RGS7: variants seen among roughly 807,000 people sequenced by gnomAD.
RGS7 encodes the protein regulator of G-protein signaling 7.
RGS7 carries 27 observed loss-of-function variants against 81.1 expected under a neutral mutation model. The ratio of observed to expected loss-of-function variants is 0.33; its 90% CI spans 0.25 to 0.46. The LOEUF is 0.46. Among genes scored for constraint, RGS7 ranks in the 20% least tolerant of loss-of-function variants. RGS7 has a pLI of 1.00. For missense variants in RGS7, 396 were observed against 607.4 expected, an observed-to-expected ratio of 0.65 and a Z score of 3.66; for synonymous variants, 208 against 207.7, an observed-to-expected ratio of 1.00 and a Z score of -0.01.
intron 6 of RGS7, among the ~76,000 whole-genome samples, chr1:240,914,196 T>C (rs1672223508): frequency 6.6e-6 from 1 of 152,140 alleles, no homozygotes; most frequent in Admixed American, 6.5e-5. Flanking sequence ...TATGATAGCT[T>C]TGAGAACAAA....
chr1:241,070,219 G>T (rs944448795), intron 3 of RGS7, among the ~76,000 whole-genome samples: 1 of 151,478 alleles, frequency 6.6e-6, no homozygotes, highest in Non-Finnish European at 1.5e-5. Flanking sequence ...GGTTATTTTC[G>T]TGAAAGATAA....
chr1:240,864,788 GA>G (rs1346639775), intron 9 of RGS7, among the ~76,000 whole-genome samples: 1 of 152,044 alleles, frequency 6.6e-6, no homozygotes, highest in Non-Finnish European at 1.5e-5. Flanking sequence ...AAGGCTGGAG[GA>G]AAAAAGAGAT....
intron 2 of RGS7, among the ~76,000 whole-genome samples, chr1:241,265,774 C>G (rs2077554468): frequency 6.7e-6 from 1 of 148,248 alleles, no homozygotes; most frequent in Non-Finnish European, 1.5e-5. Flanking sequence ...AGTTACTGCC[C>G]TTTTCCTCGT....
intron 3 of RGS7, among the ~76,000 whole-genome samples, chr1:241,095,349 G>C (rs977431211): frequency 6.6e-6 from 1 of 152,058 alleles, no homozygotes; most frequent in African/African-American, 2.4e-5. Context: ...GTGATGTTTT[G>C]ATACAAATAA....
Position 240,933,026 on chromosome 1 carries a change from G to T in RGS7, c.334-2258C>A, listed in dbSNP as rs539470887. Among the ~76,000 whole-genome samples, 586 of 149,508 alleles carry T rather than the reference G, an allele frequency of 3.9e-3. 6 individuals carry two copies. The highest frequency in any genetic ancestry group is 6.0e-3 in the Non-Finnish European group (401 of 67,210). On this transcript the variant is annotated intron_variant, in intron 5 of 18. Transcript: ENST00000440928. ...AGCCTCCCGAGTAGCTGGGACTACA[G>T]GCGCCCGCACCACGCCCGGCTAATT...
At chr1:241,318,582 G>A (rs539494518) in intron 2 of RGS7, among the ~76,000 whole-genome samples, 3 of 151,924 alleles carry the variant, frequency 2.0e-5, no homozygotes, top group South Asian at 2.1e-4. Flanking sequence ...TCAGCCTCCC[G>A]AGTAGCTGGG....
chr1:241,342,950 T>C (rs2082652270), intron 2 of RGS7, among the ~76,000 whole-genome samples: 1 of 151,980 alleles, frequency 6.6e-6, no homozygotes, highest in Non-Finnish European at 1.5e-5. Flanking sequence ...GAGAACACGG[T>C]ATGGCAGTTC....
chr1:241,250,363 T>C (rs1165224426), intron 2 of RGS7, among the ~76,000 whole-genome samples: 1 of 152,178 alleles, frequency 6.6e-6, no homozygotes, highest in Non-Finnish European at 1.5e-5. Context: ...AATTGTGTAA[T>C]CGATTCTTCA....
intron 2 of RGS7, among the ~76,000 whole-genome samples, chr1:241,279,137 T>C (rs2078364723): frequency 6.6e-6 from 1 of 151,224 alleles, no homozygotes; most frequent in African/African-American, 2.4e-5. Context: ...ATATATATAA[T>C]ATAACATATA....
chr1:241,049,111 A>G (rs1203309557), intron 3 of RGS7, among the ~76,000 whole-genome samples: 5 of 152,140 alleles, frequency 3.3e-5, no homozygotes, highest in Non-Finnish European at 7.3e-5. Context: ...TACATCTTCA[A>G]AGACCCTATT....
intron 2 of RGS7, among the ~76,000 whole-genome samples, chr1:241,166,997 C>A (rs971787568): frequency 6.6e-6 from 1 of 152,218 alleles, no homozygotes; most frequent in Non-Finnish European, 1.5e-5. Flanking sequence ...TTCCCATCCT[C>A]TTCCTCTCCA....
At chr1:241,142,326 T>G (rs1317173404) in intron 2 of RGS7, among the ~76,000 whole-genome samples, 3 of 152,218 alleles carry the variant, frequency 2.0e-5, no homozygotes, top group African/African-American at 4.8e-5. Flanking sequence ...GTGTGGGGGC[T>G]CTGAACCTAC....
intron 6 of RGS7, among the ~76,000 whole-genome samples, chr1:240,884,953 CAGAGT>C (rs1314110027): frequency 2.0e-5 from 3 of 152,138 alleles, no homozygotes; most frequent in African/African-American, 7.2e-5. Flanking sequence ...AAATTACCAA[CAGAGT>C]AAAGAGACAA....
chr1:241,066,269 T>C (rs925402849), intron 3 of RGS7, among the ~76,000 whole-genome samples: 3 of 152,188 alleles, frequency 2.0e-5, no homozygotes, highest in African/African-American at 7.2e-5. Flanking sequence ...AAATGTGTGC[T>C]CACTGATATG....
At chr1:241,136,452 G>C (rs1367508562) in intron 2 of RGS7, among the ~76,000 whole-genome samples, 1 of 152,140 alleles carries the variant, frequency 6.6e-6, no homozygotes, top group African/African-American at 2.4e-5. Flanking sequence ...AGATAAGGGG[G>C]GGGATGTTCA....
chr1:240,927,556 T>C (rs1674665878), intron 6 of RGS7, among the ~76,000 whole-genome samples: 1 of 152,126 alleles, frequency 6.6e-6, no homozygotes, highest in South Asian at 2.1e-4. Flanking sequence ...AGCAGGAAAT[T>C]CAAAGTTGGG....
chr1:241,087,539 C>T (rs953712483), intron 3 of RGS7, among the ~76,000 whole-genome samples: 8 of 152,144 alleles, frequency 5.3e-5, no homozygotes, highest in African/African-American at 1.9e-4. Flanking sequence ...ATGGAAGCTT[C>T]CTGTAGTTTA....
chr1:241,036,148 G>A (rs2060313880), intron 3 of RGS7, among the ~76,000 whole-genome samples: 1 of 152,090 alleles, frequency 6.6e-6, no homozygotes. Context: ...TCTCATTTTG[G>A]AATACAAACA....
At chr1:240,859,440 G>GTTTTTTTTTTTTTTTTTTTTTTTT (rs5782167) in intron 9 of RGS7, among the ~76,000 whole-genome samples, 1 of 110,824 alleles carries the variant, frequency 9.0e-6, no homozygotes, top group African/African-American at 3.4e-5. Context: ...TTTCTTTCCT[G>GTTTTTTTTTTTTTTTTTTTTTTTT]TTTTTTTTTT....
Sources: gnomAD v4.1 joint callset for allele counts (sites outside exome capture counted in the v4.1 genomes callset) on GRCh38, gnomAD v4.1.1 for gene constraint, MANE v1.5 for transcripts, NCBI Gene and HGNC (gene_info 2026-07-23, HGNC 2026-07-21) for gene names.